Variants in GAL3ST1 observed in about 807,000 individuals in gnomAD.
The protein encoded by GAL3ST1 is galactosylceramide sulfotransferase.
GAL3ST1 carries 13 observed loss-of-function variants against 25.0 expected under a neutral mutation model. The ratio of observed to expected loss-of-function variants is 0.52; its 90% CI spans 0.34 to 0.83. The LOEUF is 0.83. Ranked by LOEUF, GAL3ST1 falls within the 40% of genes least tolerant of loss-of-function variation. The pLI is 0.02. For missense variants in GAL3ST1, 474 were observed against 613.6 expected (o/e 0.77, Z 2.40); for synonymous variants, 274 against 277.8 (o/e 0.99, Z 0.14).
intron 3 of GAL3ST1, 123 bp downstream of exon 3, chr22:30,557,139 G>T: frequency 3.3e-6 from 3 of 912,802 alleles, no homozygotes; most frequent in Non-Finnish European, 5.1e-6. Context: ...ACAGCATGGT[G>T]CAGGGTGCAG....
Position 30,554,956 on chromosome 22 carries a change from C to T in GAL3ST1, c.1269G>A (p.Trp423Ter). 6.4e-7 allele frequency: 1 copy of T among 1,566,882 alleles called. No homozygotes were observed. The highest frequency in any genetic ancestry group is 2.3e-5 in the East Asian group (1 of 44,006). The change falls in exon 4 of 4, where the codon TGG becomes TGA. Residue 423 changes from tryptophan (W) to a stop codon, truncating the protein, a stop_gained. Coordinates refer to ENST00000406361, the MANE Select transcript of GAL3ST1 (RefSeq NM_001318104.2). LOFTEE classifies it high-confidence loss of function. ...LWKFIRDFLR[W>*] ...CAAGCCGCTGGGCGGTGGGACGTCA[C>T]CACCGCAGGAAATCGCGAATGAACT...
At chr22:30,569,873 A>C (rs1274555833) in intron 1 of GAL3ST1, among the ~76,000 whole-genome samples, 5 of 152,220 alleles carry the variant, frequency 3.3e-5, no homozygotes, top group Non-Finnish European at 4.4e-5. Flanking sequence ...GCTTGAGCCC[A>C]GGAGTTCGAG....
chr22:30,554,771 T>C lies in GAL3ST1; in HGVS notation c.*182A>G. On this transcript the variant is annotated 3_prime_UTR_variant, in exon 4 of 4. Coordinates refer to ENST00000406361, the MANE Select transcript of GAL3ST1 (RefSeq NM_001318104.2). ...ATAATTAGTTAAATACTGATCTCGG[T>C]TAGGCCCTCTCTGTGTTCATGGGCC... 1.9e-6 allele frequency: 1 copy of C among 537,924 alleles called. No homozygotes were observed. The highest frequency in any genetic ancestry group is 2.9e-5 in the South Asian group (1 of 34,192). The allele number at this position is 537,924 out of a possible 1,614,324, so 33.3% of individuals were successfully genotyped here.
Position 30,556,044 on chromosome 22 carries a change from C to T in GAL3ST1, c.181G>A (p.Ala61Thr). ...SCSPPALEPE[A>T]VIRANGSAGE... Reference sequence around the variant, plus strand: ...GCCGAGCCGTTGGCCCGGATCACTGCCTCTGGCTCGAGTGCAGGTGGAGAG... The same window carrying T: ...GCCGAGCCGTTGGCCCGGATCACTGTCTCTGGCTCGAGTGCAGGTGGAGAG... Residue 61 changes from alanine (A) to threonine (T), a missense_variant, in exon 4 of 4, where the codon GCA becomes ACA. Physicochemically the swap from Ala to Thr is moderately conservative, Grantham distance 58. Coordinates refer to ENST00000406361, the MANE Select transcript of GAL3ST1 (RefSeq NM_001318104.2). The T allele has an allele frequency of 1.2e-6, 2 of 1,612,394 alleles. No individual in the cohort carries two copies. Among genetic ancestry groups the T allele is most frequent in the Non-Finnish European group, 8.5e-7 (1 of 1,179,878 alleles).
chr22:30,558,942 G>A (rs1407037152), intron 1 of GAL3ST1, among the ~76,000 whole-genome samples: 1 of 152,134 alleles, frequency 6.6e-6, no homozygotes, highest in Non-Finnish European at 1.5e-5. Context: ...TGGATCACCT[G>A]AGGTCAGGAG....
intron 1 of GAL3ST1, among the ~76,000 whole-genome samples, chr22:30,562,041 C>T (rs909906005): frequency 1.3e-5 from 2 of 152,158 alleles, no homozygotes; most frequent in Non-Finnish European, 2.9e-5. Context: ...GGAGAACAGT[C>T]ACTAGGCTAT....
At chr22:30,559,407 A>C (rs929337158) in intron 1 of GAL3ST1, among the ~76,000 whole-genome samples, 2 of 151,542 alleles carry the variant, frequency 1.3e-5, no homozygotes, top group East Asian at 3.9e-4. Flanking sequence ...CACCCAGCTA[A>C]TTTTTGTATT....
Position 30,566,642 on chromosome 22 carries a change from C to T in GAL3ST1, c.-120+7824G>A, listed in dbSNP as rs142555607. ...TTTTTTTTCTTGAGACAGAGTCTCG[C>T]TCTGTCGCCTAGGCTGGAGTGCAGT... On this transcript the variant is annotated intron_variant, in intron 1 of 3. Transcript: ENST00000406361. Among the ~76,000 whole-genome samples the T allele has an allele frequency of 3.0e-4, 45 of 152,094 alleles. No individual in the cohort carries two copies. In the East Asian group the frequency reaches 8.3e-3, roughly 28 times the overall value.
rs545072220 is a variant in GAL3ST1, at chr22:30,557,268, G to C, written c.125C>G (p.Ala42Gly). The C allele has an allele frequency of 2.2e-5, 35 of 1,614,142 alleles. 1 individual carries two copies. The South Asian group carries it at 3.7e-4, about 17-fold the overall frequency. Residue 42 changes from alanine (A) to glycine (G), a missense_variant, in exon 3 of 4, where the codon GCC (alanine) becomes GGC (glycine). Ala to Gly is a moderately conservative substitution (Grantham distance 60). Coordinates refer to ENST00000406361, the MANE Select transcript of GAL3ST1 (RefSeq NM_001318104.2). ...YAVPPLHAGL[A>G]STTPEAAASC... is the part of the protein sequence containing the mutation. ...GCCCAGCTGGGCCACTCACGTGGAG[G>C]CCAGGCCGGCATGCAGCGGGGGCAC...
chr22:30,566,489 G>A (rs1343177413), intron 1 of GAL3ST1, among the ~76,000 whole-genome samples: 3 of 152,192 alleles, frequency 2.0e-5, no homozygotes, highest in East Asian at 3.8e-4. Context: ...AAGTGAGATC[G>A]TGGCTGAGGA....
In GAL3ST1 at chr22:30,557,270, C is replaced by T. The variant is rs1310614436; in HGVS notation, c.123G>A (p.Leu41=). 6.2e-7 allele frequency: 1 copy of T among 1,614,144 alleles called. No homozygotes were observed. Among genetic ancestry groups the T allele is most frequent in the South Asian group, 1.1e-5 (1 of 91,070 alleles). The part of the protein sequence containing the change: ...SYAVPPLHAG[L]ASTTPEAAAS... ...CCAGCTGGGCCACTCACGTGGAGGC[C>T]AGGCCGGCATGCAGCGGGGGCACGG... The change falls in exon 3 of 4, where the codon CTG becomes CTA. Residue 41 remains leucine (L), a synonymous_variant. Coordinates refer to ENST00000406361, the MANE Select transcript of GAL3ST1 (RefSeq NM_001318104.2).
At chr22:30,571,859 G>A (rs1356266781) in intron 1 of GAL3ST1, among the ~76,000 whole-genome samples, 4 of 152,100 alleles carry the variant, frequency 2.6e-5, no homozygotes, top group African/African-American at 9.7e-5. Flanking sequence ...GCAAGACTCC[G>A]TCTCAAAAAC....
intron 1 of GAL3ST1, among the ~76,000 whole-genome samples, chr22:30,571,762 G>A (rs186389528): frequency 6.6e-6 from 1 of 152,154 alleles, no homozygotes; most frequent in Admixed American, 6.5e-5. Flanking sequence ...TACTCGGGAG[G>A]CTGAGGCAGG....
intron 2 of GAL3ST1, among the ~76,000 whole-genome samples, chr22:30,557,959 A>AT (rs1326946752): frequency 6.6e-6 from 1 of 151,392 alleles, no homozygotes; most frequent in Non-Finnish European, 1.5e-5. Flanking sequence ...TTATATTTTA[A>AT]TTTTTTTAAA....
In GAL3ST1 at chr22:30,558,682, A is replaced by G. The variant is rs116546207; in HGVS notation, c.-119-294T>C. On this transcript the variant is annotated intron_variant, in intron 1 of 3. Transcript: ENST00000406361. ...GTGGCTGATGGAGAAACTGAGGCTC[A>G]CAGCTGGGAAGAAGAAGGCTCAAGT... 4.1e-3 allele frequency among the ~76,000 whole-genome samples: 624 copies of G among 152,288 alleles called. 3 individuals carry two copies. The highest frequency in any genetic ancestry group is 0.014 in the African/African-American group (597 of 41,554).
chr22:30,560,404 C>T (rs1168714037), intron 1 of GAL3ST1: 2 of 152,154 alleles, frequency 1.3e-5, no homozygotes, highest in Non-Finnish European at 2.9e-5. Flanking sequence ...CCTAGCCATT[C>T]TCTGGAGAAC....
chr22:30,562,495 C>T (rs750630608), intron 1 of GAL3ST1, among the ~76,000 whole-genome samples: 48 of 152,292 alleles, frequency 3.2e-4, no homozygotes, highest in African/African-American at 9.1e-4. Flanking sequence ...AGATAATGCA[C>T]GTACCCAGGA....
intron 3 of GAL3ST1, 123 bp from the exon 4 acceptor site, chr22:30,556,216 T>G (rs1481408211): frequency 4.6e-5 from 37 of 798,612 alleles, no homozygotes; most frequent in Non-Finnish European, 5.8e-6. Context: ...GTGAGACCTG[T>G]GGGGCCTGAG....
chr22:30,557,162 A>C (rs555252890), intron 3 of GAL3ST1, 100 bp downstream of exon 3: 55 of 1,274,950 alleles, frequency 4.3e-5, no homozygotes, highest in Middle Eastern at 4.3e-4. Flanking sequence ...TGGCTACCCA[A>C]GATCACTGGG....
Sources: allele counts gnomAD v4.1 joint callset (sites outside exome capture counted in the v4.1 genomes callset), GRCh38; gene constraint gnomAD v4.1.1; transcripts MANE v1.5; gene names NCBI Gene and HGNC (gene_info 2026-07-23, HGNC 2026-07-21).